PCDH11X: variants seen among roughly 807,000 people sequenced by gnomAD.
PCDH11X encodes the protein protocadherin-11 X-linked.
Under a neutral mutation model 53.3 loss-of-function variants are expected in PCDH11X, and 18 were observed. The observed-to-expected ratio is 0.34, with a 90% CI of 0.23 to 0.50. The LOEUF is 0.50. PCDH11X is among the 20% of genes least tolerant of loss of function. PCDH11X has a pLI of 0.98. For missense variants in PCDH11X, 570 were observed against 1,032.4 expected, an observed-to-expected ratio of 0.55 and a Z score of 6.14; for synonymous variants, 279 against 393.3, an observed-to-expected ratio of 0.71 and a Z score of 3.44.
chrX:91,792,656 A>G (rs756910591), intron 1 of PCDH11X, among the ~76,000 whole-genome samples: 1 of 111,771 alleles, frequency 8.9e-6, no homozygotes, highest in African/African-American at 3.2e-5. Flanking sequence ...AATTATATTC[A>G]TTAGAAAAAA....
intron 10 of PCDH11X, among the ~76,000 whole-genome samples, chrX:92,531,867 A>T (rs1187340718): frequency 8.9e-6 from 1 of 111,741 alleles, no homozygotes; most frequent in Non-Finnish European, 1.9e-5. Flanking sequence ...TGTGGATAAT[A>T]TAATGTGTAC....
intron 1 of PCDH11X, among the ~76,000 whole-genome samples, chrX:91,801,092 A>G (rs1243873857): frequency 5.0e-5 from 5 of 99,748 alleles, no homozygotes; most frequent in African/African-American, 7.5e-5. Flanking sequence ...AGGTGGGAGG[A>G]TTACTTGAGC....
chrX:92,023,446 C>T (rs1255281487), intron 6 of PCDH11X, among the ~76,000 whole-genome samples: 1 of 110,089 alleles, frequency 9.1e-6, no homozygotes, highest in Non-Finnish European at 1.9e-5. Flanking sequence ...CACATACACC[C>T]TCCCAAGACT....
chrX:92,034,502 T>A (rs2063098625), intron 6 of PCDH11X, among the ~76,000 whole-genome samples: 1 of 107,941 alleles, frequency 9.3e-6, no homozygotes, highest in African/African-American at 3.4e-5. Context: ...TAACCTTCTT[T>A]GTCTCTTTTT....
At chrX:92,411,854 AAAG>A (rs1258708984) in intron 9 of PCDH11X, among the ~76,000 whole-genome samples, 1 of 94,085 alleles carries the variant, frequency 1.1e-5, no homozygotes, top group African/African-American at 4.1e-5. Flanking sequence ...TTTTGAGAGA[AAAG>A]AAGAAAGAAA....
At chrX:92,564,391 A>G (rs1328195142) in intron 10 of PCDH11X, among the ~76,000 whole-genome samples, 66 of 102,290 alleles carry the variant, frequency 6.5e-4, no homozygotes, top group Non-Finnish European at 1.0e-3. Context: ...ATAGTAACCA[A>G]AACAGTATGT....
chrX:91,995,846 CTTTT>C, intron 6 of PCDH11X, among the ~76,000 whole-genome samples: 1 of 103,448 alleles, frequency 9.7e-6, no homozygotes, highest in Non-Finnish European at 2.0e-5. Flanking sequence ...GTATTATCTT[CTTTT>C]TGTTTTTTTT....
At chrX:92,497,102 C>A (rs5984967) in intron 10 of PCDH11X, among the ~76,000 whole-genome samples, 11 of 110,291 alleles carry the variant, frequency 1.0e-4, no homozygotes, top group Non-Finnish European at 1.7e-4. Flanking sequence ...GTTCCAAATA[C>A]AGCAAGGGCA....
At chrX:92,148,778 GTATA>G (rs757499812) in intron 6 of PCDH11X, among the ~76,000 whole-genome samples, 1 of 104,267 alleles carries the variant, frequency 9.6e-6, no homozygotes, top group Non-Finnish European at 2.0e-5. Context: ...ATATGTGTGT[GTATA>G]TATATATATA....
chrX:92,305,754 C>T (rs2755306), intron 8 of PCDH11X, among the ~76,000 whole-genome samples: 4 of 111,033 alleles, frequency 3.6e-5, no homozygotes, highest in African/African-American at 6.6e-5. Flanking sequence ...ATATGTGTTA[C>T]GAATACAGTA....
At chrX:92,539,812 T>C (rs144397634) in intron 10 of PCDH11X, among the ~76,000 whole-genome samples, 1 of 111,942 alleles carries the variant, frequency 8.9e-6, no homozygotes, top group Non-Finnish European at 1.9e-5. Flanking sequence ...TGTGGACTCA[T>C]AGAGGTGCTG....
At chrX:92,370,808 A>T (rs1324826414) in intron 8 of PCDH11X, among the ~76,000 whole-genome samples, 1 of 112,005 alleles carries the variant, frequency 8.9e-6, no homozygotes, top group Non-Finnish European at 1.9e-5. Flanking sequence ...GCCATTATTG[A>T]CAATGGAATA....
chrX:92,301,394 G>A (rs1003692243), intron 8 of PCDH11X, among the ~76,000 whole-genome samples: 8 of 106,871 alleles, frequency 7.5e-5, no homozygotes, highest in Non-Finnish European at 1.2e-4. Context: ...GGAGCATGGC[G>A]AGCCTTGGGG....
intron 10 of PCDH11X, among the ~76,000 whole-genome samples, chrX:92,518,517 C>T (rs1048029253): frequency 9.0e-5 from 10 of 111,365 alleles, no homozygotes; most frequent in South Asian, 3.7e-4. Flanking sequence ...ATCTTTGTAA[C>T]GATTAAAAGG....
intron 7 of PCDH11X, among the ~76,000 whole-genome samples, chrX:92,243,744 C>A (rs753622033): frequency 5.4e-5 from 6 of 111,306 alleles, no homozygotes; most frequent in Non-Finnish European, 1.1e-4. Context: ...TAATGGTATA[C>A]TTTAATTTTG....
At chrX:92,089,749 C>A (rs2064018485) in intron 6 of PCDH11X, among the ~76,000 whole-genome samples, 1 of 106,929 alleles carries the variant, frequency 9.4e-6, no homozygotes, top group Admixed American at 1.0e-4. Context: ...TCTCAAACTC[C>A]TGACCTCAGG....
At chrX:91,913,775 T>G (rs950324121) in intron 6 of PCDH11X, among the ~76,000 whole-genome samples, 6 of 110,491 alleles carry the variant, frequency 5.4e-5, no homozygotes, top group Non-Finnish European at 9.5e-5. Context: ...AAGTGCCACC[T>G]CTTAGCTGGA....
chrX:92,376,441 G>C (rs1225055725), intron 8 of PCDH11X, among the ~76,000 whole-genome samples: 1 of 111,974 alleles, frequency 8.9e-6, no homozygotes, highest in Non-Finnish European at 1.9e-5. Flanking sequence ...ACACTGAAGA[G>C]ATTTGATGAT....
intron 6 of PCDH11X, among the ~76,000 whole-genome samples, chrX:92,037,897 TG>T (rs200851898): frequency 1.0e-5 from 1 of 96,748 alleles, no homozygotes; most frequent in Non-Finnish European, 2.0e-5. Flanking sequence ...GGGTTATTTG[TG>T]GGTTTTTTTT....
Sources: allele counts gnomAD v4.1 joint callset (sites outside exome capture counted in the v4.1 genomes callset), GRCh38; gene constraint gnomAD v4.1.1; transcripts MANE v1.5; gene names NCBI Gene and HGNC (gene_info 2026-07-23, HGNC 2026-07-21).